The following IL1RAPL2 variants were observed in gnomAD, a reference collection of about 807,000 sequenced individuals.
The protein encoded by IL1RAPL2 is X-linked interleukin-1 receptor accessory protein-like 2.
IL1RAPL2 carries 3 observed loss-of-function variants against 44.1 expected under a neutral mutation model. That is an observed-to-expected ratio of 0.07 (90% CI 0.03 to 0.18). IL1RAPL2 has a LOEUF of 0.18. Among genes scored for constraint, IL1RAPL2 ranks in the 10% least tolerant of loss-of-function variants. IL1RAPL2 has a pLI of 1.00. For missense variants in IL1RAPL2, 391 were observed against 496.4 expected, an observed-to-expected ratio of 0.79 and a Z score of 2.02; for synonymous variants, 181 against 178.8, an observed-to-expected ratio of 1.01 and a Z score of -0.10.
chrX:105,006,007 C>T (rs777762170), intron 2 of IL1RAPL2, among the ~76,000 whole-genome samples: 45 of 110,683 alleles, frequency 4.1e-4, no homozygotes, highest in Non-Finnish European at 5.3e-4. Context: ...AAGGGAAATT[C>T]GTTCTGTGAT....
chrX:104,650,882 G>A (rs984353660), intron 1 of IL1RAPL2, among the ~76,000 whole-genome samples: 6 of 111,798 alleles, frequency 5.4e-5, no homozygotes, highest in Non-Finnish European at 7.5e-5. Flanking sequence ...TTGTCACACA[G>A]ACCTACATTC....
intron 2 of IL1RAPL2, among the ~76,000 whole-genome samples, chrX:105,157,382 G>T (rs1312892354): frequency 9.0e-6 from 1 of 111,469 alleles, no homozygotes; most frequent in Non-Finnish European, 1.9e-5. Context: ...GCCCAGAAAA[G>T]TTCTATCTTC....
intron 4 of IL1RAPL2, among the ~76,000 whole-genome samples, chrX:105,253,337 T>C (rs997300269): frequency 3.6e-5 from 4 of 111,226 alleles, no homozygotes; most frequent in Non-Finnish European, 5.7e-5. Flanking sequence ...TGTAGTCTAT[T>C]AATAAGCCCA....
At chrX:105,118,429 A>G in intron 2 of IL1RAPL2, among the ~76,000 whole-genome samples, 1 of 112,305 alleles carries the variant, frequency 8.9e-6, no homozygotes, top group Middle Eastern at 4.6e-3. Flanking sequence ...ATGCCAAGTG[A>G]GTTACATATT....
chrX:104,719,392 C>T (rs942093228), intron 2 of IL1RAPL2, among the ~76,000 whole-genome samples: 1 of 111,909 alleles, frequency 8.9e-6, no homozygotes, highest in Non-Finnish European at 1.9e-5. Context: ...CTAGCATCAG[C>T]TTTGTCCCCT....
At chrX:104,848,424 TATATATATATA>T (rs1922122644) in intron 2 of IL1RAPL2, among the ~76,000 whole-genome samples, 3 of 46,931 alleles carry the variant, frequency 6.4e-5, no homozygotes, top group Admixed American at 2.4e-4. Context: ...TATATATATA[TATATATATATA>T]TATATATATA....
At chrX:104,992,054 C>T (rs1020699382) in intron 2 of IL1RAPL2, among the ~76,000 whole-genome samples, 6 of 111,080 alleles carry the variant, frequency 5.4e-5, no homozygotes, top group Non-Finnish European at 9.4e-5. Flanking sequence ...AGTGTGGCTT[C>T]TTGAAAGAGC....
intron 2 of IL1RAPL2, among the ~76,000 whole-genome samples, chrX:104,893,442 C>A (rs1019926712): frequency 9.0e-6 from 1 of 111,168 alleles, no homozygotes; most frequent in Non-Finnish European, 1.9e-5. Context: ...GTAGGTCACT[C>A]AGGACTTGCT....
At chrX:104,646,191 T>C (rs920885775) in intron 1 of IL1RAPL2, among the ~76,000 whole-genome samples, 2 of 111,776 alleles carry the variant, frequency 1.8e-5, no homozygotes, top group Non-Finnish European at 3.8e-5. Flanking sequence ...TTTGGAATAA[T>C]AGAATAAAAC....
At chrX:104,702,778 T>C (rs1415476416) in intron 2 of IL1RAPL2, among the ~76,000 whole-genome samples, 2 of 111,195 alleles carry the variant, frequency 1.8e-5, no homozygotes, top group Non-Finnish European at 1.9e-5. Flanking sequence ...TCTGCTGAGA[T>C]TTGTGTGATC....
At chrX:105,088,469 T>A (rs1417739840) in intron 2 of IL1RAPL2, among the ~76,000 whole-genome samples, 1 of 111,852 alleles carries the variant, frequency 8.9e-6, no homozygotes, top group Non-Finnish European at 1.9e-5. Flanking sequence ...CAAGGTCAAC[T>A]TAAGCCCAGC....
chrX:105,637,595 G>GCC (rs35771946), intron 6 of IL1RAPL2, among the ~76,000 whole-genome samples: 1,237 of 106,146 alleles, frequency 0.012, 11 homozygotes, highest in Middle Eastern at 0.034. Context: ...TAAATTATTT[G>GCC]CCCCCCCCAT....
intron 2 of IL1RAPL2, among the ~76,000 whole-genome samples, chrX:104,906,327 A>C (rs1409038071): frequency 9.1e-6 from 1 of 110,271 alleles, no homozygotes; most frequent in East Asian, 2.9e-4. Flanking sequence ...CCTGGCCAGA[A>C]CTTCCAACAC....
intron 1 of IL1RAPL2, among the ~76,000 whole-genome samples, chrX:104,595,012 G>A (rs889468430): frequency 1.8e-5 from 2 of 111,808 alleles, no homozygotes; most frequent in South Asian, 3.7e-4. Flanking sequence ...ACAAACCGTC[G>A]AATGAATGAT....
chrX:104,675,790 G>T (rs757370580), intron 2 of IL1RAPL2, among the ~76,000 whole-genome samples: 3 of 110,148 alleles, frequency 2.7e-5, no homozygotes, highest in East Asian at 5.7e-4. Flanking sequence ...CTCCTGTATT[G>T]GGTGCATATA....
At chrX:105,394,813 G>C (rs769567239) in intron 5 of IL1RAPL2, among the ~76,000 whole-genome samples, 1 of 110,701 alleles carries the variant, frequency 9.0e-6, no homozygotes, top group African/African-American at 3.3e-5. Context: ...CCAAGATTTT[G>C]CTCTTGGTAT....
chrX:105,226,936 A>G (rs1336524328), intron 3 of IL1RAPL2, among the ~76,000 whole-genome samples: 1 of 109,680 alleles, frequency 9.1e-6, no homozygotes, highest in Non-Finnish European at 1.9e-5. Context: ...ATCATGAACT[A>G]TAAGAAAGTT....
chrX:105,392,077 A>C (rs2147730699), intron 5 of IL1RAPL2, among the ~76,000 whole-genome samples: 1 of 107,359 alleles, frequency 9.3e-6, no homozygotes, highest in African/African-American at 3.4e-5. Context: ...GCACACCAGC[A>C]TAGCACATGT....
intron 2 of IL1RAPL2, among the ~76,000 whole-genome samples, chrX:105,026,793 C>T (rs1008217893): frequency 9.1e-6 from 1 of 109,929 alleles, no homozygotes; most frequent in Non-Finnish European, 1.9e-5. Flanking sequence ...AAATGCAACC[C>T]CTATAAAAAT....
Sources: allele counts gnomAD v4.1 joint callset (sites outside exome capture counted in the v4.1 genomes callset), GRCh38; gene constraint gnomAD v4.1.1; transcripts MANE v1.5; gene names NCBI Gene and HGNC (gene_info 2026-07-23, HGNC 2026-07-21).